Variants in PTCHD4 observed in about 807,000 individuals in gnomAD.
PTCHD4 encodes patched domain-containing protein 4.
PTCHD4 carries 33 observed loss-of-function variants against 58.1 expected under a neutral mutation model. The observed-to-expected ratio is 0.57, with a 90% CI of 0.43 to 0.76. The LOEUF is 0.76. Among genes scored for constraint, PTCHD4 ranks in the 30% least tolerant of loss-of-function variants. The pLI is 0.00. For synonymous variants in PTCHD4, 478 were observed against 409.6 expected (o/e 1.17, Z -2.02); for missense variants, 1,058 against 1,027.1 (o/e 1.03, Z -0.41).
Position 47,873,282 on chromosome 6 carries a change from A to C in PTCHD4, c.*5021T>G, listed in dbSNP as rs1763764514. On this transcript the variant is annotated 3_prime_UTR_variant, in exon 5 of 5. Transcript: ENST00000339488. ...GATTCTCTCTGCTGTATTCTAAATCACAGAATATGTGGTATTATTCCACTT... is the reference window on the plus strand; with the variant it reads ...GATTCTCTCTGCTGTATTCTAAATCCCAGAATATGTGGTATTATTCCACTT... Among the ~76,000 whole-genome samples, 1 of 151,768 alleles carries C rather than the reference A, an allele frequency of 6.6e-6. No homozygotes were observed. Among genetic ancestry groups the C allele is most frequent in the South Asian group, 2.1e-4 (1 of 4,832 alleles).
chr6:48,006,191 T>A (rs1414953815), intron 4 of PTCHD4, among the ~76,000 whole-genome samples: 1 of 152,188 alleles, frequency 6.6e-6, no homozygotes, highest in Non-Finnish European at 1.5e-5. Context: ...GCACCTACAC[T>A]GTGAAGGGTT....
In PTCHD4 at chr6:47,863,841, G is replaced by A. The variant is rs925535193; in HGVS notation, c.*14462C>T. Among the ~76,000 whole-genome samples the A allele has an allele frequency of 1.3e-5, 2 of 151,850 alleles. No individual in the cohort carries two copies. Among genetic ancestry groups the A allele is most frequent in the Non-Finnish European group, 2.9e-5 (2 of 67,898 alleles). On this transcript the variant is annotated 3_prime_UTR_variant, in exon 5 of 5. Coordinates refer to ENST00000339488, the MANE Select transcript of PTCHD4 (RefSeq NM_001384253.1). ...CTTATTACAAATAGAGATTACTAAGGCCATCCCTTCAAGAGTTTAAAAAGT... is the reference window on the plus strand; with the variant it reads ...CTTATTACAAATAGAGATTACTAAGACCATCCCTTCAAGAGTTTAAAAAGT...
Position 47,976,385 on chromosome 6 carries a change from T to C in PTCHD4, c.898+32249A>G, listed in dbSNP as rs1040512751. On this transcript the variant is annotated intron_variant, in intron 4 of 4. Transcript: ENST00000339488. ...ATATATAATTACTGGCCAGGCGCTG[T>C]GGCTCATGCCTGTAATCCCAGCACT... is the stretch of plus-strand genomic sequence containing the variant. 2.0e-5 allele frequency among the ~76,000 whole-genome samples: 3 copies of C among 152,154 alleles called. No homozygotes were observed. The South Asian group carries it at 6.2e-4, about 32-fold the overall frequency.
At chr6:48,001,371 A>T (rs865869880) in intron 4 of PTCHD4, among the ~76,000 whole-genome samples, 1 of 152,340 alleles carries the variant, frequency 6.6e-6, no homozygotes, top group Middle Eastern at 3.4e-3. Context: ...CTACAAGGCT[A>T]CAGTAACCAA....
chr6:48,057,346 C>T (rs1764448522), intron 3 of PTCHD4, among the ~76,000 whole-genome samples: 1 of 152,136 alleles, frequency 6.6e-6, no homozygotes, highest in Non-Finnish European at 1.5e-5. Flanking sequence ...GGTTTGATTC[C>T]TTTACAACTT....
rs557764457 is a variant in PTCHD4, at chr6:48,068,132, T to C, written c.417+98A>G. The C allele has an allele frequency of 7.4e-7, 1 of 1,342,302 alleles. No individual in the cohort carries two copies. The highest frequency in any genetic ancestry group is 1.5e-5 in the South Asian group (1 of 66,792). 83.1% of individuals were successfully genotyped at this position (1,342,302 alleles called of 1,614,324 possible). A position where few individuals can be genotyped will look rare whatever the true frequency, so the allele number is the denominator to read the frequency against. ...GGAGACGGCAGCCTGCCTGAGATCC[T>C]CTAGCACTGAAATAATATCATCCAG... On this transcript the variant is annotated intron_variant, in intron 3 of 4. Transcript: ENST00000339488. The surrounding 1 kb of genome is among the most constrained non-coding windows in gnomAD (Gnocchi z 4.2).
At chr6:47,935,284 A>G (rs1397309971) in intron 4 of PTCHD4, among the ~76,000 whole-genome samples, 1 of 152,176 alleles carries the variant, frequency 6.6e-6, no homozygotes, top group Admixed American at 6.5e-5. Context: ...GCTACCTCTT[A>G]ATTTGTGGCT....
At chr6:48,089,088 C>G (rs868793768) in intron 1 of PTCHD4, among the ~76,000 whole-genome samples, 13 of 152,062 alleles carry the variant, frequency 8.5e-5, no homozygotes, top group Admixed American at 4.6e-4. Context: ...GTAATCATTA[C>G]TATGATGCAA....
intron 4 of PTCHD4, among the ~76,000 whole-genome samples, chr6:47,892,996 G>A (rs1334552088): frequency 6.6e-6 from 1 of 152,156 alleles, no homozygotes; most frequent in Admixed American, 6.5e-5. Flanking sequence ...CTGATTGGTT[G>A]ATTAACTTTA....
intron 4 of PTCHD4, among the ~76,000 whole-genome samples, chr6:47,967,624 C>T (rs1272083140): frequency 6.6e-6 from 1 of 152,176 alleles, no homozygotes; most frequent in Admixed American, 6.5e-5. Context: ...GTGTAGCCAC[C>T]TTGGTACATC....
At chr6:47,983,482 A>G (rs1202243090) in intron 4 of PTCHD4, among the ~76,000 whole-genome samples, 2 of 152,182 alleles carry the variant, frequency 1.3e-5, no homozygotes, top group Non-Finnish European at 2.9e-5. Flanking sequence ...AGTTTTGAAA[A>G]AAAGATTGTT....
intron 4 of PTCHD4, among the ~76,000 whole-genome samples, chr6:47,906,472 C>G (rs7767995): frequency 6.6e-6 from 1 of 151,906 alleles, no homozygotes; most frequent in East Asian, 1.9e-4. Context: ...TGTTAGGCCA[C>G]GAGCCATATA....
intron 1 of PTCHD4, among the ~76,000 whole-genome samples, chr6:48,091,928 G>C (rs568401507): frequency 6.6e-6 from 1 of 151,946 alleles, no homozygotes; most frequent in African/African-American, 2.4e-5. Context: ...AGCATTACAG[G>C]CATGAGCCAC....
At chr6:48,089,478 A>T (rs1013793612) in intron 1 of PTCHD4, among the ~76,000 whole-genome samples, 1 of 152,232 alleles carries the variant, frequency 6.6e-6, no homozygotes, top group Non-Finnish European at 1.5e-5. Flanking sequence ...GCATTTAGTC[A>T]TATAGTCATT....
At chr6:47,930,127 T>C (rs1765762450) in intron 4 of PTCHD4, among the ~76,000 whole-genome samples, 1 of 152,126 alleles carries the variant, frequency 6.6e-6, no homozygotes, top group Non-Finnish European at 1.5e-5. Flanking sequence ...TATATTTTTC[T>C]AAAGTGGATG....
Position 47,864,382 on chromosome 6 carries a change from T to A in PTCHD4, c.*13921A>T, listed in dbSNP as rs111324259. On this transcript the variant is annotated 3_prime_UTR_variant, in exon 5 of 5. Coordinates refer to ENST00000339488, the MANE Select transcript of PTCHD4 (RefSeq NM_001384253.1). ...TAGTTTGCTTTGCTAAAATCCTTGA[T>A]GGGTAGTGGCTGCCTCTCATTTCTC... 6.6e-6 allele frequency among the ~76,000 whole-genome samples: 1 copy of A among 151,920 alleles called. No homozygotes were observed. The highest frequency in any genetic ancestry group is 1.5e-5 in the Non-Finnish European group (1 of 67,916).
At chr6:48,057,810 T>C (rs1251925785) in intron 3 of PTCHD4, among the ~76,000 whole-genome samples, 8 of 151,964 alleles carry the variant, frequency 5.3e-5, no homozygotes, top group Admixed American at 5.2e-4. Context: ...TGGTCAGGAG[T>C]TTGTAGTTTT....
chr6:47,947,264 C>T (rs1766459499), intron 4 of PTCHD4, among the ~76,000 whole-genome samples: 1 of 152,248 alleles, frequency 6.6e-6, no homozygotes, highest in Non-Finnish European at 1.5e-5. Flanking sequence ...TGATATGCTA[C>T]TTTCCACATA....
In PTCHD4 at chr6:47,879,846, T is replaced by A; in HGVS notation, c.989A>T (p.Tyr330Phe). ...GGTATAGGTGACCATCACATCAGAA[T>A]AGGCATCTGCTATCCTGTCTTTGAA... ...LPFKDRIADA[Y>F]SDVMVTYTMT... The change falls in exon 5 of 5, where the codon TAT becomes TTT. Residue 330 changes from tyrosine (Y) to phenylalanine (F), a missense_variant. Tyr to Phe is a conservative substitution (Grantham distance 22). Transcript: ENST00000339488. The A allele has an allele frequency of 6.2e-7, 1 of 1,610,880 alleles. No individual in the cohort carries two copies. Among genetic ancestry groups the A allele is most frequent in the Middle Eastern group, 1.7e-4 (1 of 6,056 alleles).
Sources: allele counts gnomAD v4.1 joint callset (sites outside exome capture counted in the v4.1 genomes callset), GRCh38; gene constraint gnomAD v4.1.1; non-coding constraint Gnocchi (gnomAD v3.1); transcripts MANE v1.5; gene names NCBI Gene and HGNC (gene_info 2026-07-23, HGNC 2026-07-21).